Variants in STARD13 observed in about 807,000 individuals in gnomAD.
The protein encoded by STARD13 is stAR-related lipid transfer protein 13.
A neutral mutation model predicts 106.4 loss-of-function variants in STARD13; 62 were observed. That is an observed-to-expected ratio of 0.58 (90% CI 0.48 to 0.72). The LOEUF is 0.72. Ranked by LOEUF, STARD13 falls within the 30% of genes least tolerant of loss-of-function variation. The probability of loss-of-function intolerance (pLI) is 0.00; values close to 1 mark genes in which losing one functional copy is unlikely to be tolerated. For missense variants in STARD13, 1,387 were observed against 1,424.0 expected (o/e 0.97, Z 0.42); for synonymous variants, 565 against 553.0 (o/e 1.02, Z -0.31).
the STARD13 span, among the ~76,000 whole-genome samples, chr13:33,494,337 C>T: frequency 6.6e-6 from 1 of 151,084 alleles, no homozygotes; most frequent in Non-Finnish European, 1.5e-5. Flanking sequence ...TTATTGTTTC[C>T]TCACCTGACT....
intron 1 of STARD13, 48 bp downstream of exon 1, chr13:33,285,422 C>T: frequency 1.3e-6 from 2 of 1,573,772 alleles, no homozygotes; most frequent in Non-Finnish European, 1.7e-6. Context: ...TGAAATAGAG[C>T]CAACAGAAAT....
the STARD13 span, among the ~76,000 whole-genome samples, chr13:33,659,360 C>T: frequency 6.6e-5 from 10 of 151,996 alleles, no homozygotes; most frequent in African/African-American, 1.2e-4. Flanking sequence ...CGACTACAGG[C>T]ATATGCCACC....
chr13:33,596,383 A>C, the STARD13 span, among the ~76,000 whole-genome samples: 45 of 152,292 alleles, frequency 3.0e-4, no homozygotes, highest in Non-Finnish European at 4.7e-4. Flanking sequence ...GGTATAGTTG[A>C]AATGTCATCA....
At chr13:33,328,201 T>C (rs1430079440) in intron 1 of STARD13, among the ~76,000 whole-genome samples, 1 of 152,238 alleles carries the variant, frequency 6.6e-6, no homozygotes, top group East Asian at 1.9e-4. Context: ...ATAATGGTGA[T>C]AGAGGCTGTG....
chr13:33,500,886 CA>C, the STARD13 span, among the ~76,000 whole-genome samples: 1 of 151,788 alleles, frequency 6.6e-6, no homozygotes, highest in South Asian at 2.1e-4. Flanking sequence ...TCAATTTAAA[CA>C]ATGGAGATAA....
rs751288383 is a variant in STARD13 at position 33,110,674 on chromosome 13, C to T, written c.2829+12G>A. On this transcript the variant is annotated intron_variant, in intron 11 of 13. Transcript: ENST00000336934. Reference sequence around the variant, plus strand: ...TTTCTGGGGGTGATCTTTTTCCATCCTCTGAGATTACCTTTTTGAAAGCAA... The same window carrying T: ...TTTCTGGGGGTGATCTTTTTCCATCTTCTGAGATTACCTTTTTGAAAGCAA... The T allele has an allele frequency of 1.3e-5, 21 of 1,609,262 alleles. No homozygotes were observed. In the Admixed American group the frequency reaches 3.3e-4, roughly 26 times the overall value.
At chr13:33,346,632 A>T (rs945052018), downstream of STARD13, among the ~76,000 whole-genome samples, 10 of 151,684 alleles carry the variant, frequency 6.6e-5, no homozygotes, top group Non-Finnish European at 1.2e-4. Context: ...TTATTTATTT[A>T]TTTTTTATTT....
At chr13:33,137,203 GA>G (rs1049225700) in intron 4 of STARD13, among the ~76,000 whole-genome samples, 4 of 152,086 alleles carry the variant, frequency 2.6e-5, no homozygotes, top group Non-Finnish European at 4.4e-5. Context: ...TGGCAGACTG[GA>G]AAAAAATAAA....
rs1566051952 is a variant in STARD13, at chr13:33,177,772, GAAGGAAGGAAGGAAGGAAGGAAGGAAGGA to G, written c.170-10179_170-10151del. 1.9e-3 allele frequency among the ~76,000 whole-genome samples: 23 copies of G among 12,024 alleles called. 1 individual carries two copies. Among genetic ancestry groups the G allele is most frequent in the African/African-American group, 3.7e-3 (17 of 4,546 alleles). The allele number at this position is 12,024 out of a possible 152,430, so 7.9% of individuals were successfully genotyped here. On this transcript the variant is annotated intron_variant, in intron 1 of 13. Transcript: ENST00000336934. ...GAAAAAAGGAAGGAAGGAAGGAAAG[GAAGGAAGGAAGGAAGGAAGGAAGGAAGGA>G]AAGGAAGGAAGGAAGGAAGGAAGGA...
the STARD13 span, among the ~76,000 whole-genome samples, chr13:33,578,471 T>C: frequency 1.3e-5 from 2 of 151,894 alleles, no homozygotes; most frequent in Non-Finnish European, 2.9e-5. Context: ...TGGATCCCTC[T>C]CTCTCTCACC....
At chr13:33,351,541 A>T (rs2078079364), upstream of STARD13, among the ~76,000 whole-genome samples, 1 of 152,200 alleles carries the variant, frequency 6.6e-6, no homozygotes, top group African/African-American at 2.4e-5. Flanking sequence ...CAGTTCACAA[A>T]GTTTTGTTTC....
At position 33,306,467 on chromosome 13, in the gene STARD13, A is replaced by G. The variant is rs187162017; in HGVS notation, c.124+43823T>C. On this transcript the variant is annotated intron_variant, in intron 1 of 5. Coordinates refer to the STARD13 transcript ENST00000567873. ...AAAAACAATTGCAACAAAAGCAAAAATTAACAAATGGTATCTAATTAAACT... is the reference window on the plus strand; with the variant it reads ...AAAAACAATTGCAACAAAAGCAAAAGTTAACAAATGGTATCTAATTAAACT... 3.5e-4 allele frequency among the ~76,000 whole-genome samples: 53 copies of G among 152,354 alleles called. 1 individual carries two copies. The highest frequency in any genetic ancestry group is 1.2e-3 in the African/African-American group (50 of 41,590).
chr13:33,525,081 G>T, the STARD13 span, among the ~76,000 whole-genome samples: 2 of 151,938 alleles, frequency 1.3e-5, no homozygotes, highest in Non-Finnish European at 2.9e-5. Context: ...GAGTGCGGTG[G>T]CATGATCATA....
the STARD13 span, among the ~76,000 whole-genome samples, chr13:33,464,620 G>A: frequency 1.3e-5 from 2 of 152,218 alleles, no homozygotes; most frequent in East Asian, 3.9e-4. Context: ...GAGGCCGAGG[G>A]GGGCAGATCA....
the STARD13 span, among the ~76,000 whole-genome samples, chr13:33,499,092 C>G: frequency 6.6e-6 from 1 of 152,164 alleles, no homozygotes; most frequent in Non-Finnish European, 1.5e-5. Context: ...GAGCCAAGAT[C>G]ACGCCATTGC....
chr13:33,548,704 A>C, the STARD13 span, among the ~76,000 whole-genome samples: 1 of 152,188 alleles, frequency 6.6e-6, no homozygotes, highest in Non-Finnish European at 1.5e-5. Flanking sequence ...TGGAGAATTC[A>C]ACAATGTTTG....
the STARD13 span, among the ~76,000 whole-genome samples, chr13:33,662,128 G>C: frequency 2.0e-5 from 3 of 151,872 alleles, no homozygotes; most frequent in Non-Finnish European, 4.4e-5. Context: ...TGGGCGTGGT[G>C]GTGGGCGCCT....
At position 33,105,427 on chromosome 13, in the gene STARD13, G is replaced by A; in HGVS notation, c.*166C>T. ...CTCCAGGAAGGCTAAGAAAGTTCTT[G>A]GAAATTCTTGCATCTCCAACATTCC... is the stretch of plus-strand genomic sequence containing the variant. On this transcript the variant is annotated 3_prime_UTR_variant, in exon 14 of 14. Coordinates refer to ENST00000336934, the MANE Select transcript of STARD13 (RefSeq NM_178006.4). 3 of 574,652 alleles carry A rather than the reference G, an allele frequency of 5.2e-6. No homozygotes were observed. Among genetic ancestry groups the A allele is most frequent in the African/African-American group, 3.7e-5 (2 of 53,952 alleles). The allele number at this position is 574,652 out of a possible 1,614,324, so 35.6% of individuals were successfully genotyped here. A position where few individuals can be genotyped will look rare whatever the true frequency, so the allele number is the denominator to read the frequency against.
the STARD13 span, among the ~76,000 whole-genome samples, chr13:33,515,843 A>T: frequency 6.6e-6 from 1 of 152,108 alleles, no homozygotes; most frequent in Non-Finnish European, 1.5e-5. Flanking sequence ...TGATAAAACA[A>T]ATCTAAGATG....
Sources: allele counts gnomAD v4.1 joint callset (sites outside exome capture counted in the v4.1 genomes callset), GRCh38; gene constraint gnomAD v4.1.1; transcripts MANE v1.5; gene names NCBI Gene and HGNC (gene_info 2026-07-23, HGNC 2026-07-21).